The following LTV1 variants were observed in gnomAD, a reference collection of about 807,000 sequenced individuals.
The protein encoded by LTV1 is protein LTV1 homolog.
Under a neutral mutation model 59.9 loss-of-function variants are expected in LTV1, and 39 were observed. The ratio of observed to expected loss-of-function variants is 0.65; its 90% CI spans 0.50 to 0.85. LTV1 has a LOEUF of 0.85. Among genes scored for constraint, LTV1 ranks in the 40% least tolerant of loss-of-function variants. The pLI is 0.00. For missense variants in LTV1, 493 were observed against 549.1 expected, an observed-to-expected ratio of 0.90 and a Z score of 1.02; for synonymous variants, 171 against 189.5, an observed-to-expected ratio of 0.90 and a Z score of 0.80.
At position 143,860,419 on chromosome 6, in the gene LTV1, A is replaced by G. The variant is rs764340601; in HGVS notation, c.796-7A>G. On this transcript the variant is annotated splice_region_variant and splice_polypyrimidine_tract_variant and intron_variant, in intron 6 of 10. Coordinates refer to ENST00000367576, the MANE Select transcript of LTV1 (RefSeq NM_032860.5). ...TTCATGGTATCTTTTCTCTGTTTAT[A>G]TTCAAGTTTTATGAGCAATATGATG... 3.2e-5 allele frequency: 51 copies of G among 1,611,964 alleles called. No individual in the cohort carries two copies. The highest frequency in any genetic ancestry group is 3.6e-5 in the Non-Finnish European group (43 of 1,179,164).
chr6:143,857,685 T>G lies in LTV1; in HGVS notation c.540-67T>G, dbSNP rs998952335. 1.3e-5 allele frequency: 20 copies of G among 1,551,298 alleles called. No individual in the cohort carries two copies. The African/African-American group carries it at 2.4e-4, about 19-fold the overall frequency. ...CTGAAATACCTTCCAATTTTACTTG[T>G]GTAAAGTGGTTTTGTTCTGTTACTT... is the stretch of plus-strand genomic sequence containing the variant. On this transcript the variant is annotated intron_variant, in intron 5 of 10. Coordinates refer to ENST00000367576, the MANE Select transcript of LTV1 (RefSeq NM_032860.5). This position sits in a 1 kb window ranked among gnomAD's most constrained non-coding sequence, Gnocchi z 5.2.
Position 143,857,786 on chromosome 6 carries a change from G to T in LTV1, c.574G>T (p.Asp192Tyr), listed in dbSNP as rs748182680. Residue 192 changes from aspartate to tyrosine, a missense_variant, in exon 6 of 11, where the codon GAT becomes TAT. Transcript: ENST00000367576. The surrounding 1 kb of genome is among the most constrained non-coding windows in gnomAD (Gnocchi z 5.2). The stretch of plus-strand genomic sequence containing the variant: ...GAATGAAGATGACAGCGAGTGGGAA[G>T]ATGTGGATGATGAGAAGGGAGATAG... Reference protein sequence around the residue: ...SENEDDSEWEDVDDEKGDSND... With the variant: ...SENEDDSEWEYVDDEKGDSND... 3.9e-5 allele frequency: 63 copies of T among 1,613,996 alleles called. No homozygotes were observed. The Admixed American group carries it at 1.0e-3, about 27-fold the overall frequency.
At chr6:143,859,651 C>T (rs1777131226) in intron 6 of LTV1, among the ~76,000 whole-genome samples, 1 of 152,212 alleles carries the variant, frequency 6.6e-6, no homozygotes, top group Non-Finnish European at 1.5e-5. Flanking sequence ...TCTCACTCTT[C>T]AGGAGATATA....
At chr6:143,856,378 A>C (rs567411676) in intron 4 of LTV1, among the ~76,000 whole-genome samples, 1 of 152,314 alleles carries the variant, frequency 6.6e-6, no homozygotes, top group Non-Finnish European at 1.5e-5. Context: ...TTGGGTTAGA[A>C]CATGCTCCTT....
chr6:143,846,747 T>C (rs1299867843), intron 3 of LTV1, among the ~76,000 whole-genome samples: 1 of 152,220 alleles, frequency 6.6e-6, no homozygotes, highest in African/African-American at 2.4e-5. Flanking sequence ...TATAAGAAAT[T>C]AGTGCTGTTA....
At position 143,862,799 on chromosome 6, in the gene LTV1, C is replaced by T. The variant is rs1777188628; in HGVS notation, c.1064-45C>T. 1.6e-6 allele frequency: 2 copies of T among 1,227,866 alleles called. No homozygotes were observed. Among genetic ancestry groups the T allele is most frequent in the African/African-American group, 3.0e-5 (2 of 67,164 alleles). 76.1% of individuals were successfully genotyped at this position (1,227,866 alleles called of 1,614,324 possible). Reference sequence around the variant, plus strand: ...AGGAATTCAGTAATGCTTTGTGGAACTGAAAACATGCTTACTGATACATGA... The same window carrying T: ...AGGAATTCAGTAATGCTTTGTGGAATTGAAAACATGCTTACTGATACATGA... On this transcript the variant is annotated intron_variant, in intron 8 of 10. Transcript: ENST00000367576. The surrounding 1 kb of genome is among the most constrained non-coding windows in gnomAD (Gnocchi z 4.2).
At position 143,850,122 on chromosome 6, in the gene LTV1, T is replaced by A. The variant is rs1411861720; in HGVS notation, c.310-9T>A. 3.7e-6 allele frequency: 6 copies of A among 1,610,042 alleles called. No homozygotes were observed. Among genetic ancestry groups the A allele is most frequent in the Non-Finnish European group, 5.1e-6 (6 of 1,177,460 alleles). On this transcript the variant is annotated splice_polypyrimidine_tract_variant and intron_variant, in intron 3 of 10. Transcript: ENST00000367576. The stretch of plus-strand genomic sequence containing the variant: ...ATAAACCTAACCATTGTGCAATTTC[T>A]TTTTCAAGAGCACTGGAATTAAGTT...
chr6:143,863,213 C>T lies in LTV1; in HGVS notation c.1244C>T (p.Thr415Ile). Reference protein sequence around the residue: ...INGSDLPKVSTQPRSKNESKE... With the variant: ...INGSDLPKVSIQPRSKNESKE... ...GGCAGTGATCTTCCTAAAGTATCAA[C>T]TCAGCCACGTTCTAAAAATGAAAGC... The change falls in exon 10 of 11, where the codon ACT (threonine) becomes ATT (isoleucine). Residue 415 changes from threonine (T) to isoleucine (I), a missense_variant. Transcript: ENST00000367576. The surrounding 1 kb of genome is among the most constrained non-coding windows in gnomAD (Gnocchi z 4.5). 6.2e-7 allele frequency: 1 copy of T among 1,613,992 alleles called. No individual in the cohort carries two copies. Among genetic ancestry groups the T allele is most frequent in the Non-Finnish European group, 8.5e-7 (1 of 1,179,960 alleles).
rs142530411 is a variant in LTV1, at chr6:143,857,197, C to A, written c.398-106C>A. 1.5e-6 allele frequency: 2 copies of A among 1,301,476 alleles called. No homozygotes were observed. The highest frequency in any genetic ancestry group is 3.0e-5 in the African/African-American group (2 of 67,106). The allele number at this position is 1,301,476 out of a possible 1,614,324, so 80.6% of individuals were successfully genotyped here. A position where few individuals can be genotyped will look rare whatever the true frequency, so the allele number is the denominator to read the frequency against. ...TAGTTCTTAATCGTTCTTTTATCCT[C>A]AATATATTAATAGACTCTTGCTATC... On this transcript the variant is annotated intron_variant, in intron 4 of 10. Coordinates refer to ENST00000367576, the MANE Select transcript of LTV1 (RefSeq NM_032860.5). The surrounding 1 kb of genome is among the most constrained non-coding windows in gnomAD (Gnocchi z 5.2).
Position 143,860,630 on chromosome 6 carries a change from A to G in LTV1, c.923+77A>G, listed in dbSNP as rs879924285. The G allele has an allele frequency of 1.8e-4, 235 of 1,288,406 alleles. No individual in the cohort carries two copies. Among genetic ancestry groups the G allele is most frequent in the Non-Finnish European group, 2.2e-4 (216 of 967,680 alleles). The allele number at this position is 1,288,406 out of a possible 1,614,324, so 79.8% of individuals were successfully genotyped here. ...AAAATTCCAAAGAAAGGTCTATAGT[A>G]TAACTGAATTGAGGAAAAAATTAAC... On this transcript the variant is annotated intron_variant, in intron 7 of 10. Transcript: ENST00000367576.
At chr6:143,844,460 A>G in intron 1 of LTV1, 26 bp from the exon 2 acceptor site, 2 of 1,610,798 alleles carry the variant, frequency 1.2e-6, no homozygotes, top group Non-Finnish European at 1.7e-6. Flanking sequence ...GTTTTAATTA[A>G]TTGTTGTGAT....
chr6:143,863,304 A>G lies in LTV1; in HGVS notation c.1317+18A>G. On this transcript the variant is annotated intron_variant, in intron 10 of 10. Coordinates refer to ENST00000367576, the MANE Select transcript of LTV1 (RefSeq NM_032860.5). The surrounding 1 kb of genome is among the most constrained non-coding windows in gnomAD (Gnocchi z 4.5). Reference sequence around the variant, plus strand: ...AGCGCAAGGTAAAATATATTTTTCAAATGTGAGATTTACAAAGAGCTGGTG... The same window carrying G: ...AGCGCAAGGTAAAATATATTTTTCAGATGTGAGATTTACAAAGAGCTGGTG... 1 of 1,610,678 alleles carries G rather than the reference A, an allele frequency of 6.2e-7. No individual in the cohort carries two copies. Among genetic ancestry groups the G allele is most frequent in the Non-Finnish European group, 8.5e-7 (1 of 1,178,322 alleles).
chr6:143,844,448 C>G (rs1776854627), intron 1 of LTV1, 38 bp from the exon 2 acceptor site: 1 of 1,604,652 alleles, frequency 6.2e-7, no homozygotes, highest in South Asian at 1.1e-5. Flanking sequence ...TCTTTTTGTT[C>G]TGTTTTAATT....
chr6:143,850,292 T>C (rs917336810), intron 4 of LTV1, 74 bp downstream of exon 4: 2 of 1,117,884 alleles, frequency 1.8e-6, no homozygotes, highest in Non-Finnish European at 2.7e-6. Flanking sequence ...TGTAGGATTT[T>C]TCTATCCCCA....
chr6:143,860,378 C>A (rs774769929), intron 6 of LTV1, 48 bp from the exon 7 acceptor site: 3 of 1,582,284 alleles, frequency 1.9e-6, no homozygotes, highest in African/African-American at 2.7e-5. Context: ...TGTAGTCTTA[C>A]TGAGTACATT....
rs146956018 is a variant in LTV1 at position 143,855,518 on chromosome 6, T to C, written c.398-1785T>C. On this transcript the variant is annotated intron_variant, in intron 4 of 10. Transcript: ENST00000367576. This position sits in a 1 kb window ranked among gnomAD's most constrained non-coding sequence, Gnocchi z 4.6. Reference sequence around the variant, plus strand: ...TAGCTGGTTATTTTGCCCATTAGTTTATGCAGTTTCTTCTTAGTATCGATG... The same window carrying C: ...TAGCTGGTTATTTTGCCCATTAGTTCATGCAGTTTCTTCTTAGTATCGATG... Among the ~76,000 whole-genome samples the C allele has an allele frequency of 6.6e-6, 1 of 152,216 alleles. No homozygotes were observed. Among genetic ancestry groups the C allele is most frequent in the African/African-American group, 2.4e-5 (1 of 41,458 alleles).
Position 143,862,205 on chromosome 6 carries a change from A to G in LTV1, c.1025A>G (p.Glu342Gly). 1 of 1,613,722 alleles carries G rather than the reference A, an allele frequency of 6.2e-7. No homozygotes were observed. The highest frequency in any genetic ancestry group is 1.3e-5 in the African/African-American group (1 of 75,028). Residue 342 changes from glutamate (E) to glycine (G), a missense_variant, in exon 8 of 11, where the codon GAA (glutamate) becomes GGA (glycine). Glu to Gly is a moderately conservative substitution (Grantham distance 98). Coordinates refer to ENST00000367576, the MANE Select transcript of LTV1 (RefSeq NM_032860.5). The surrounding 1 kb of genome is among the most constrained non-coding windows in gnomAD (Gnocchi z 4.2). ...GAAGAAATGATTACTGTAGTCCTTG[A>G]AGAAGCCAAAGAGAAGTGGGATTGT... is the stretch of plus-strand genomic sequence containing the variant. The part of the protein sequence containing the change: ...EEEEMITVVL[E>G]EAKEKWDCES...
At chr6:143,859,849 A>G (rs904188965) in intron 6 of LTV1, among the ~76,000 whole-genome samples, 24 of 152,346 alleles carry the variant, frequency 1.6e-4, no homozygotes, top group African/African-American at 5.5e-4. Context: ...CGTGCCTATA[A>G]TCTCAGAACT....
At position 143,843,399 on chromosome 6, in the gene LTV1, G is replaced by A; in HGVS notation, c.-79G>A. ...GTGAGGCCTACAGAAGCGGCCTTCAGCTGGACCTTGGTCTCCCCGCCGGAC... is the reference window on the plus strand; with the variant it reads ...GTGAGGCCTACAGAAGCGGCCTTCAACTGGACCTTGGTCTCCCCGCCGGAC... On this transcript the variant is annotated 5_prime_UTR_variant, in exon 1 of 11. Transcript: ENST00000367576. The A allele has an allele frequency of 2.5e-6, 4 of 1,590,530 alleles. No homozygotes were observed. The highest frequency in any genetic ancestry group is 3.4e-6 in the Non-Finnish European group (4 of 1,163,072).
Sources: allele counts gnomAD v4.1 joint callset (sites outside exome capture counted in the v4.1 genomes callset), GRCh38; gene constraint gnomAD v4.1.1; non-coding constraint Gnocchi (gnomAD v3.1); transcripts MANE v1.5; gene names NCBI Gene and HGNC (gene_info 2026-07-23, HGNC 2026-07-21).